Variants in PCDHA1 observed in about 807,000 individuals in gnomAD.
The protein encoded by PCDHA1 is protocadherin alpha 1.
A neutral mutation model predicts 61.3 loss-of-function variants in PCDHA1; 42 were observed. The ratio of observed to expected loss-of-function variants is 0.69; its 90% CI spans 0.54 to 0.89. PCDHA1 has a LOEUF of 0.89. Ranked by LOEUF, PCDHA1 falls within the 40% of genes least tolerant of loss-of-function variation. The probability of loss-of-function intolerance (pLI) is 0.00; values close to 1 mark genes in which losing one functional copy is unlikely to be tolerated. For missense variants in PCDHA1, 1,256 were observed against 1,235.3 expected, an observed-to-expected ratio of 1.02 and a Z score of -0.25; for synonymous variants, 610 against 553.8, an observed-to-expected ratio of 1.10 and a Z score of -1.43.
intron 1 of PCDHA1, chr5:140,821,682 T>C: frequency 7.4e-7 from 1 of 1,350,590 alleles, no homozygotes; most frequent in Non-Finnish European, 1.0e-6. Flanking sequence ...AGAAAGGCGA[T>C]AATATAAAAA....
chr5:140,796,951 G>A (rs1762161263), intron 1 of PCDHA1: 1 of 1,613,714 alleles, frequency 6.2e-7, no homozygotes, highest in Non-Finnish European at 8.5e-7. Flanking sequence ...GACAGCCACG[G>A]CCACCGTGTT....
intron 1 of PCDHA1, chr5:140,823,102 G>A: frequency 1.2e-6 from 2 of 1,614,066 alleles, no homozygotes; most frequent in Non-Finnish European, 1.7e-6. Flanking sequence ...CGTGTCTGTG[G>A]AAGTGGCCGA....
chr5:141,005,626 C>T (rs554956978), intron 3 of PCDHA1, among the ~76,000 whole-genome samples: 5 of 136,646 alleles, frequency 3.7e-5, no homozygotes, highest in South Asian at 4.9e-4. Context: ...GGCGTGAACC[C>T]GGGAGGCGGA....
intron 1 of PCDHA1, chr5:140,876,661 C>T: frequency 1.2e-6 from 2 of 1,614,212 alleles, no homozygotes; most frequent in Non-Finnish European, 1.7e-6. Context: ...TCCCTTCAAG[C>T]TGGTGTCCAC....
At position 140,843,574 on chromosome 5, in the gene PCDHA1, G is replaced by A. The variant is rs2150362915; in HGVS notation, c.2394+54890G>A. 1.8e-5 allele frequency: 28 copies of A among 1,595,908 alleles called. 3 individuals are homozygous for A. The highest frequency in any genetic ancestry group is 1.7e-4 in the Middle Eastern group (1 of 5,996). On this transcript the variant is annotated intron_variant, in intron 1 of 3. Coordinates refer to ENST00000504120, the MANE Select transcript of PCDHA1 (RefSeq NM_018900.4). ...GTGCGGTGGGGAGCTGGTCATACTCGCAACAACAGCCGCAGAGGGTGTGCT... is the reference window on the plus strand; with the variant it reads ...GTGCGGTGGGGAGCTGGTCATACTCACAACAACAGCCGCAGAGGGTGTGCT...
intron 3 of PCDHA1, among the ~76,000 whole-genome samples, chr5:141,008,665 T>A (rs2098385671): frequency 6.6e-6 from 1 of 152,210 alleles, no homozygotes; most frequent in Non-Finnish European, 1.5e-5. Context: ...CACAATACTT[T>A]ACATATACTT....
At position 140,788,283 on chromosome 5, in the gene PCDHA1, G is replaced by A. The variant is rs146303269; in HGVS notation, c.1993G>A (p.Val665Met). ...GEPALTATATVLVSLVESGQA... is the reference protein window; with the variant it reads ...GEPALTATATMLVSLVESGQA... Reference sequence around the variant, plus strand: ...GCCGGCGCTGACAGCCACGGCCACTGTGCTTGTATCTCTGGTGGAGAGCGG... The same window carrying A: ...GCCGGCGCTGACAGCCACGGCCACTATGCTTGTATCTCTGGTGGAGAGCGG... The change falls in exon 1 of 4, where the codon GTG becomes ATG. Residue 665 changes from valine to methionine, a missense_variant. Physicochemically the swap from Val to Met is conservative, Grantham distance 21. Transcript: ENST00000504120. The A allele has an allele frequency of 3.7e-6, 6 of 1,614,036 alleles. No homozygotes were observed. The African/African-American group carries it at 8.0e-5, about 22-fold the overall frequency.
intron 1 of PCDHA1, chr5:140,884,300 G>C (rs2060088357): frequency 6.2e-7 from 1 of 1,613,712 alleles, no homozygotes; most frequent in Non-Finnish European, 8.5e-7. Context: ...AGCGCCACAG[G>C]CTTCGTCGAG....
At chr5:140,969,761 T>C (rs886878870) in intron 1 of PCDHA1, among the ~76,000 whole-genome samples, 1 of 152,234 alleles carries the variant, frequency 6.6e-6, no homozygotes, top group African/African-American at 2.4e-5. Flanking sequence ...TAAAAAGCTC[T>C]GAGGCCTCTA....
chr5:140,856,809 A>G lies in PCDHA1; in HGVS notation c.2394+68125A>G, dbSNP rs782118456. 11 of 1,594,544 alleles carry G rather than the reference A, an allele frequency of 6.9e-6. No homozygotes were observed. The African/African-American group carries it at 1.3e-4, about 20-fold the overall frequency. ...TATGAAGTTAAGATGTATGAAAATCAAGTGAACCAAACATTAGTAATACGG... is the reference window on the plus strand; with the variant it reads ...TATGAAGTTAAGATGTATGAAAATCGAGTGAACCAAACATTAGTAATACGG... On this transcript the variant is annotated intron_variant, in intron 1 of 3. Coordinates refer to ENST00000504120, the MANE Select transcript of PCDHA1 (RefSeq NM_018900.4).
Position 140,884,307 on chromosome 5 carries a change from C to T in PCDHA1, c.2395-94642C>T, listed in dbSNP as rs144612735. 3,633 of 1,613,724 alleles carry T rather than the reference C, an allele frequency of 2.3e-3. 15 individuals are homozygous for T. The highest frequency in any genetic ancestry group is 9.6e-3 in the Middle Eastern group (58 of 6,062). Reference sequence around the variant, plus strand: ...AGCGGCCAAGCGCCACAGGCTTCGTCGAGGGCGTCGGCAGGCGCTGTGGGT... The same window carrying T: ...AGCGGCCAAGCGCCACAGGCTTCGTTGAGGGCGTCGGCAGGCGCTGTGGGT... On this transcript the variant is annotated intron_variant, in intron 1 of 3. Transcript: ENST00000504120.
At chr5:140,987,722 T>C (rs2097265966) in intron 3 of PCDHA1, among the ~76,000 whole-genome samples, 1 of 152,204 alleles carries the variant, frequency 6.6e-6, no homozygotes, top group Admixed American at 6.5e-5. Context: ...GAGTCTATCC[T>C]ACAGCTTCAA....
At chr5:140,869,022 C>G in intron 1 of PCDHA1, 1 of 1,525,610 alleles carries the variant, frequency 6.6e-7, no homozygotes, top group African/African-American at 1.4e-5. Flanking sequence ...CTTAAGAATT[C>G]AACGAGATTT....
chr5:140,943,005 C>T (rs1383622610), intron 1 of PCDHA1, among the ~76,000 whole-genome samples: 2 of 151,608 alleles, frequency 1.3e-5, no homozygotes, highest in African/African-American at 4.8e-5. Context: ...GCCTGTAATC[C>T]CAGCACTTTG....
At chr5:140,955,207 G>A (rs2153705473) in intron 1 of PCDHA1, among the ~76,000 whole-genome samples, 1 of 152,290 alleles carries the variant, frequency 6.6e-6, no homozygotes, top group South Asian at 2.1e-4. Context: ...CAATCAAGTA[G>A]CATGATGCCT....
intron 1 of PCDHA1, chr5:140,861,480 T>C (rs2046942458): frequency 4.1e-6 from 2 of 490,608 alleles, no homozygotes; most frequent in African/African-American, 2.0e-5. Flanking sequence ...GAATGGCATT[T>C]TTGTGAGTTC....
At chr5:140,819,356 A>T (rs1766542325) in intron 1 of PCDHA1, among the ~76,000 whole-genome samples, 2 of 152,128 alleles carry the variant, frequency 1.3e-5, no homozygotes. Context: ...ATGAAGATTA[A>T]ATTTTCTTGT....
intron 1 of PCDHA1, chr5:140,871,061 A>G (rs2052667671): frequency 6.2e-7 from 1 of 1,613,082 alleles, no homozygotes; most frequent in African/African-American, 1.3e-5. Flanking sequence ...GTGAAGGATC[A>G]CGGTGAGCCG....
intron 1 of PCDHA1, among the ~76,000 whole-genome samples, chr5:140,956,666 G>T (rs1232573740): frequency 6.6e-6 from 1 of 152,088 alleles, no homozygotes; most frequent in African/African-American, 2.4e-5. Flanking sequence ...GGCCTTAAAG[G>T]AGTTAGGGAG....
Sources: gnomAD v4.1 joint callset for allele counts (sites outside exome capture counted in the v4.1 genomes callset) on GRCh38, gnomAD v4.1.1 for gene constraint, MANE v1.5 for transcripts, NCBI Gene and HGNC (gene_info 2026-07-23, HGNC 2026-07-21) for gene names.